The following MCM3 variants were observed in gnomAD, a reference collection of about 807,000 sequenced individuals.
MCM3 encodes DNA replication licensing factor MCM3.
In MCM3, 59 loss-of-function variants were observed where a neutral mutation model predicts 91.3. The observed-to-expected ratio is 0.65, with a 90% CI of 0.52 to 0.80. The LOEUF is 0.80. Among genes scored for constraint, MCM3 ranks in the 30% least tolerant of loss-of-function variants. MCM3 has a pLI of 0.00. For missense variants in MCM3, 919 were observed against 1,035.4 expected (o/e 0.89, Z 1.54); for synonymous variants, 383 against 379.6 (o/e 1.01, Z -0.10).
rs1387412829 is a variant in MCM3 at position 52,277,144 on chromosome 6, G to A, written c.1088C>T (p.Pro363Leu). The change falls in exon 8 of 17, where the codon CCC becomes CTC. Residue 363 changes from proline (P) to leucine (L), a missense_variant. Coordinates refer to ENST00000596288, the MANE Select transcript of MCM3 (RefSeq NM_002388.6). The stretch of plus-strand genomic sequence containing the variant: ...CCGGCCAGTGGTGGGGATAGCTCGG[G>A]GTGCAGTGCAAAGCACATACCGCAG... ...QLLRYVLCTA[P>L]RAIPTTGRGS... 6.2e-7 allele frequency: 1 copy of A among 1,613,918 alleles called. No homozygotes were observed. Among genetic ancestry groups the A allele is most frequent in the African/African-American group, 1.3e-5 (1 of 74,902 alleles).
intron 11 of MCM3, 72 bp downstream of exon 11, chr6:52,273,158 C>G: frequency 6.3e-7 from 1 of 1,587,670 alleles, no homozygotes; most frequent in Non-Finnish European, 8.6e-7. Flanking sequence ...CTTAGCTAAG[C>G]TTAGATATAC....
Position 52,278,746 on chromosome 6 carries a change from G to C in MCM3, c.875C>G (p.Ser292Cys). The change falls in exon 6 of 17, where the codon TCC becomes TGC. Residue 292 changes from serine to cysteine, a missense_variant. Transcript: ENST00000596288. Reference protein sequence around the residue: ...AKIKKFSKTRSKDIFDQLAKS... With the variant: ...AKIKKFSKTRCKDIFDQLAKS... ...ATTTCTAAAGGATGCCCAGACCTTG[G>C]ATCGGGTTTTACTGAACTTCTTGAT... 1 of 1,610,200 alleles carries C rather than the reference G, an allele frequency of 6.2e-7. No homozygotes were observed. The highest frequency in any genetic ancestry group is 8.5e-7 in the Non-Finnish European group (1 of 1,177,166).
chr6:52,267,362 C>T (rs750050163), intron 14 of MCM3, among the ~76,000 whole-genome samples: 2 of 151,964 alleles, frequency 1.3e-5, no homozygotes, highest in Non-Finnish European at 2.9e-5. Flanking sequence ...TCCCAAAGTG[C>T]TGGGATTACA....
rs576648642 is a variant in MCM3 at position 52,266,891 on chromosome 6, G to A, written c.2073-195C>T. Reference sequence around the variant, plus strand: ...TCCCCAGACTAGAACACAAACAGGCGCTGCTTCCCAACGCTCTTTTCCACA... The same window carrying A: ...TCCCCAGACTAGAACACAAACAGGCACTGCTTCCCAACGCTCTTTTCCACA... On this transcript the variant is annotated intron_variant, in intron 14 of 16. Coordinates refer to ENST00000596288, the MANE Select transcript of MCM3 (RefSeq NM_002388.6). Among the ~76,000 whole-genome samples, 3 of 152,160 alleles carry A rather than the reference G, an allele frequency of 2.0e-5. 1 individual carries two copies. The highest frequency in any genetic ancestry group is 4.1e-4 in the South Asian group (2 of 4,826).
chr6:52,266,165 T>C (rs2245502), intron 15 of MCM3, 21 bp from the exon 16 acceptor site: 155,031 of 1,596,976 alleles, frequency 0.097, 8,015 homozygotes, highest in East Asian at 0.15. Context: ...TTGATGGTTG[T>C]AGAGATGGGG....
chr6:52,275,981 A>C, intron 9 of MCM3: 1 of 337,252 alleles, frequency 3.0e-6, no homozygotes, highest in Non-Finnish European at 5.5e-6. Context: ...TTCTCCCGCC[A>C]CATGCATGTA....
intron 9 of MCM3, 105 bp from the exon 10 acceptor site, chr6:52,274,021 G>T: frequency 1.2e-6 from 1 of 803,818 alleles, no homozygotes; most frequent in South Asian, 1.8e-5. Flanking sequence ...TGACCTCAAA[G>T]AGCAAAACAG....
intron 12 of MCM3, among the ~76,000 whole-genome samples, chr6:52,270,423 G>T (rs1205510535): frequency 2.0e-5 from 3 of 152,006 alleles, no homozygotes; most frequent in African/African-American, 7.2e-5. Flanking sequence ...ACGTATCCTG[G>T]TCACTTCTTG....
intron 10 of MCM3, 145 bp downstream of exon 10, chr6:52,273,597 A>G (rs1480165064): frequency 2.3e-6 from 2 of 857,674 alleles, no homozygotes; most frequent in Non-Finnish European, 3.6e-6. Context: ...CCACTAAGCA[A>G]GAAGGGGAGG....
rs753070039 is a variant in MCM3, at chr6:52,276,430, G to T, written c.1212C>A (p.Gly404=). 1.2e-6 allele frequency: 2 copies of T among 1,614,202 alleles called. No individual in the cohort carries two copies. The highest frequency in any genetic ancestry group is 1.6e-4 in the Middle Eastern group (1 of 6,062). ...TGTCAAATTCATCAATGCAAACCAC[G>T]CCTCGGTCAGCCAGGACCATGGCCC... ...EAGAMVLADR[G]VVCIDEFDKM... Residue 404 remains glycine, a synonymous_variant, in exon 9 of 17, where the codon GGC becomes GGA. Coordinates refer to ENST00000596288, the MANE Select transcript of MCM3 (RefSeq NM_002388.6).
In MCM3 at chr6:52,277,098, C is replaced by G; in HGVS notation, c.1134G>C (p.Leu378=). ...CCTGGTCTGTGGTGACAGCAGCCGT[C>G]AGACCCACTCCAGAGGAGCCCCGGC... is the stretch of plus-strand genomic sequence containing the variant. ...TTGRGSSGVG[L]TAAVTTDQET... The change falls in exon 8 of 17, where the codon CTG becomes CTC. Residue 378 remains leucine, a synonymous_variant. Coordinates refer to ENST00000596288, the MANE Select transcript of MCM3 (RefSeq NM_002388.6). The G allele has an allele frequency of 6.2e-7, 1 of 1,614,124 alleles. No individual in the cohort carries two copies. Among genetic ancestry groups the G allele is most frequent in the Non-Finnish European group, 8.5e-7 (1 of 1,179,984 alleles).
At chr6:52,266,832 T>C (rs1764678193) in intron 14 of MCM3, 136 bp from the exon 15 acceptor site, 2 of 709,738 alleles carry the variant, frequency 2.8e-6, no homozygotes, top group Non-Finnish European at 5.0e-6. Context: ...GCTTAGGCCT[T>C]TGCAAACTGC....
chr6:52,270,254 G>T (rs17240147), intron 12 of MCM3, among the ~76,000 whole-genome samples: 1 of 150,742 alleles, frequency 6.6e-6, no homozygotes, highest in Non-Finnish European at 1.5e-5. Context: ...GCTTGAACCC[G>T]GGAGGCAGAG....
Position 52,276,275 on chromosome 6 carries a change from T to A in MCM3, c.1367A>T (p.Tyr456Phe), listed in dbSNP as rs757142347. 6.2e-7 allele frequency: 1 copy of A among 1,610,390 alleles called. No individual in the cohort carries two copies. The highest frequency in any genetic ancestry group is 1.3e-5 in the African/African-American group (1 of 74,822). ...GGGCCTGATTCCACTTACCCTGCCG[T>A]AGACAGGGTTGGCAGCTGCCAAAAC... ...CSVLAAANPV[Y>F]GRYDQYKTPM... is the part of the protein sequence containing the mutation. Residue 456 changes from tyrosine (Y) to phenylalanine (F), a missense_variant, in exon 9 of 17, where the codon TAC becomes TTC. Tyr to Phe is a conservative substitution (Grantham distance 22). Transcript: ENST00000596288.
intron 4 of MCM3, 124 bp from the exon 5 acceptor site, chr6:52,279,723 G>A: frequency 1.4e-6 from 1 of 727,216 alleles, no homozygotes; most frequent in Non-Finnish European, 2.3e-6. Context: ...AAAAAGCCAA[G>A]TACCTTCTCT....
intron 9 of MCM3, among the ~76,000 whole-genome samples, chr6:52,274,768 C>T (rs1765419258): frequency 6.6e-6 from 1 of 151,856 alleles, no homozygotes; most frequent in South Asian, 2.1e-4. Flanking sequence ...TCTGGGCCTA[C>T]TGGACTGATA....
intron 4 of MCM3, among the ~76,000 whole-genome samples, chr6:52,281,596 G>A (rs577312115): frequency 6.6e-6 from 1 of 152,090 alleles, no homozygotes; most frequent in Non-Finnish European, 1.5e-5. Context: ...GAGAAGATTC[G>A]TTGAGTCCAG....
rs1484391854 is a variant in MCM3 at position 52,266,059 on chromosome 6, C to G, written c.2228+16G>C. ...CACAGAATTCTTGAAGGGGCAGGAGCAACATCCGTACTCACCTGGATTCAC... is the reference window on the plus strand; with the variant it reads ...CACAGAATTCTTGAAGGGGCAGGAGGAACATCCGTACTCACCTGGATTCAC... On this transcript the variant is annotated intron_variant, in intron 16 of 16. Coordinates refer to ENST00000596288, the MANE Select transcript of MCM3 (RefSeq NM_002388.6). The G allele has an allele frequency of 1.2e-6, 2 of 1,611,942 alleles. No homozygotes were observed. Among genetic ancestry groups the G allele is most frequent in the Non-Finnish European group, 1.7e-6 (2 of 1,178,056 alleles).
chr6:52,278,715 C>G (rs1765797651), intron 6 of MCM3, 27 bp downstream of exon 6: 1 of 1,511,728 alleles, frequency 6.6e-7, no homozygotes, highest in Admixed American at 1.7e-5. Flanking sequence ...CCATTCCCAC[C>G]CTCAAATTTC....
Sources: allele counts gnomAD v4.1 joint callset (sites outside exome capture counted in the v4.1 genomes callset), GRCh38; gene constraint gnomAD v4.1.1; transcripts MANE v1.5; gene names NCBI Gene and HGNC (gene_info 2026-07-23, HGNC 2026-07-21).